SEC61A2: variants seen among roughly 807,000 people sequenced by gnomAD.
SEC61A2 encodes the protein SEC61 translocon subunit alpha 2.
In SEC61A2, 28 loss-of-function variants were observed where a neutral mutation model predicts 59.9. The ratio of observed to expected loss-of-function variants is 0.47; its 90% CI spans 0.35 to 0.64. The LOEUF is 0.64. Among genes scored for constraint, SEC61A2 ranks in the 30% least tolerant of loss-of-function variants. The pLI is 0.01. For synonymous variants in SEC61A2, 202 were observed against 214.4 expected, an observed-to-expected ratio of 0.94 and a Z score of 0.50; for missense variants, 340 against 585.9, an observed-to-expected ratio of 0.58 and a Z score of 4.33.
rs753466991 is a variant in SEC61A2, at chr10:12,164,255, TTC to T, written c.1245-11_1245-10del. ...GTCTCTGCTGCCGCCTAACTTGGGG[TTC>T]TGTCTCCTAGGTACATCCCCACCGC... On this transcript the variant is annotated splice_polypyrimidine_tract_variant and intron_variant, in intron 11 of 11. Transcript: ENST00000298428. This position sits in a 1 kb window ranked among gnomAD's most constrained non-coding sequence, Gnocchi z 7.3. The T allele has an allele frequency of 6.2e-7, 1 of 1,611,838 alleles. No homozygotes were observed. The highest frequency in any genetic ancestry group is 1.7e-5 in the Admixed American group (1 of 59,844).
intron 4 of SEC61A2, among the ~76,000 whole-genome samples, chr10:12,148,373 G>T (rs1834195225): frequency 6.6e-6 from 1 of 151,180 alleles, no homozygotes; most frequent in Admixed American, 6.6e-5. Context: ...AGCCTCCCAA[G>T]TAGCTGGGAT....
intron 3 of SEC61A2, among the ~76,000 whole-genome samples, chr10:12,138,993 G>A (rs957946216): frequency 4.0e-5 from 6 of 151,846 alleles, no homozygotes; most frequent in African/African-American, 1.2e-4. Flanking sequence ...ACGTAGTCTC[G>A]CTCTGTTGCC....
At position 12,155,336 on chromosome 10, in the gene SEC61A2, CT is replaced by C; in HGVS notation, c.463-439del. The C allele has an allele frequency of 1.3e-6, 2 of 1,581,938 alleles. No homozygotes were observed. Among genetic ancestry groups the C allele is most frequent in the Non-Finnish European group, 1.7e-6 (2 of 1,166,002 alleles). On this transcript the variant is annotated intron_variant, in intron 6 of 11. Coordinates refer to ENST00000298428, the MANE Select transcript of SEC61A2 (RefSeq NM_018144.4). This position sits in a 1 kb window ranked among gnomAD's most constrained non-coding sequence, Gnocchi z 4.3. The stretch of plus-strand genomic sequence containing the variant: ...GATCAACACAGCCCTTAGACTTATC[CT>C]TTGATGGCAGTGTACATTTCCATCT...
downstream of SEC61A2, chr10:12,167,534 C>A: frequency 1.7e-6 from 1 of 600,354 alleles, no homozygotes; most frequent in South Asian, 2.2e-5. Context: ...AAAGGAAGGT[C>A]ACAACCTACC....
chr10:12,147,726 G>A (rs1834174846), intron 4 of SEC61A2, among the ~76,000 whole-genome samples: 1 of 150,972 alleles, frequency 6.6e-6, no homozygotes, highest in Admixed American at 6.6e-5. Flanking sequence ...CATTTGTTTT[G>A]ATGTGAGGCA....
rs1015404540 is a variant in SEC61A2, at chr10:12,162,112, T to C, written c.1168-101T>C. On this transcript the variant is annotated intron_variant, in intron 10 of 11. Transcript: ENST00000298428. This position sits in a 1 kb window ranked among gnomAD's most constrained non-coding sequence, Gnocchi z 6.1. ...ACAATGCAACTTTCAGGTTATTGTA[T>C]GTTACGTGTTAGTGTGTGGCGAGCA... is the stretch of plus-strand genomic sequence containing the variant. 6 of 859,942 alleles carry C rather than the reference T, an allele frequency of 7.0e-6. No homozygotes were observed. Among genetic ancestry groups the C allele is most frequent in the Admixed American group, 5.8e-5 (3 of 51,382 alleles). The allele number at this position is 859,942 out of a possible 1,614,324, so 53.3% of individuals were successfully genotyped here.
intron 3 of SEC61A2, among the ~76,000 whole-genome samples, chr10:12,137,513 C>T (rs1833916127): frequency 1.3e-5 from 2 of 152,064 alleles, no homozygotes; most frequent in Non-Finnish European, 2.9e-5. Flanking sequence ...CCATGTTGCC[C>T]AGGCTGGTCT....
downstream of SEC61A2, chr10:12,166,700 G>C: frequency 2.0e-6 from 1 of 507,440 alleles, no homozygotes; most frequent in Non-Finnish European, 4.0e-6. Flanking sequence ...TTCCGTGGGG[G>C]CCAGACTGGA....
rs983029121 is a variant in SEC61A2 at position 12,161,157 on chromosome 10, G to A, written c.1167+36G>A. 1 of 1,512,410 alleles carries A rather than the reference G, an allele frequency of 6.6e-7. No individual in the cohort carries two copies. The highest frequency in any genetic ancestry group is 9.0e-7 in the Non-Finnish European group (1 of 1,105,924). 93.7% of individuals were successfully genotyped at this position (1,512,410 alleles called of 1,614,324 possible). A position where few individuals can be genotyped will look rare whatever the true frequency, so the allele number is the denominator to read the frequency against. ...GGTTTATTTTAAAATAAAACTCTTG[G>A]CAATGCATGGTGGCGCACATCTGTA... On this transcript the variant is annotated intron_variant, in intron 10 of 11. Coordinates refer to ENST00000298428, the MANE Select transcript of SEC61A2 (RefSeq NM_018144.4). The surrounding 1 kb of genome is among the most constrained non-coding windows in gnomAD (Gnocchi z 5.4).
chr10:12,137,188 G>T (rs11257559), intron 3 of SEC61A2, among the ~76,000 whole-genome samples: 1 of 152,022 alleles, frequency 6.6e-6, no homozygotes, highest in African/African-American at 2.4e-5. Context: ...CTGCAGGTGT[G>T]CCCCACCATG....
At position 12,153,531 on chromosome 10, in the gene SEC61A2, T is replaced by G. The variant is rs968813910; in HGVS notation, c.463-2247T>G. Among the ~76,000 whole-genome samples, 1 of 152,222 alleles carries G rather than the reference T, an allele frequency of 6.6e-6. No individual in the cohort carries two copies. The highest frequency in any genetic ancestry group is 1.5e-5 in the Non-Finnish European group (1 of 68,042). ...AAATTGATATAAAATAGAGTTAAGC[T>G]ATTTTGCTGTTCATTTTCAGTATTC... is the stretch of plus-strand genomic sequence containing the variant. On this transcript the variant is annotated intron_variant, in intron 6 of 11. Coordinates refer to ENST00000298428, the MANE Select transcript of SEC61A2 (RefSeq NM_018144.4). This position sits in a 1 kb window ranked among gnomAD's most constrained non-coding sequence, Gnocchi z 5.2.
chr10:12,163,030 T>C (rs1173595426), intron 11 of SEC61A2, among the ~76,000 whole-genome samples: 1 of 152,238 alleles, frequency 6.6e-6, no homozygotes, highest in Non-Finnish European at 1.5e-5. Context: ...TTCCACTTTT[T>C]ATGAATAATG....
intron 4 of SEC61A2, among the ~76,000 whole-genome samples, chr10:12,144,341 A>C (rs899391458): frequency 1.3e-5 from 2 of 152,200 alleles, no homozygotes; most frequent in African/African-American, 4.8e-5. Flanking sequence ...ACATATATCT[A>C]TATACTTCTT....
chr10:12,133,377 T>A, intron 2 of SEC61A2, 69 bp downstream of exon 2: 1 of 768,992 alleles, frequency 1.3e-6, no homozygotes, highest in Non-Finnish European at 2.2e-6. Context: ...GCAAAATTCA[T>A]TTCCTTACCT....
At chr10:12,132,683 A>G (rs1041867777) in intron 1 of SEC61A2, among the ~76,000 whole-genome samples, 2 of 151,464 alleles carry the variant, frequency 1.3e-5, no homozygotes, top group African/African-American at 4.8e-5. Flanking sequence ...GCATTTCGGC[A>G]TCTTTCAGTT....
At chr10:12,144,251 CA>C (rs1834088977) in intron 4 of SEC61A2, among the ~76,000 whole-genome samples, 1 of 152,088 alleles carries the variant, frequency 6.6e-6, no homozygotes, top group South Asian at 2.1e-4. Context: ...AGAAAAGTGT[CA>C]CTTCTGAGGG....
chr10:12,146,239 A>G (rs1834134429), intron 4 of SEC61A2, among the ~76,000 whole-genome samples: 1 of 152,086 alleles, frequency 6.6e-6, no homozygotes, highest in African/African-American at 2.4e-5. Flanking sequence ...CAGGCTGGTG[A>G]ATTCCTGACC....
At position 12,129,858 on chromosome 10, in the gene SEC61A2, C is replaced by A. The variant is rs987383117; in HGVS notation, c.7+64C>A. On this transcript the variant is annotated intron_variant, in intron 1 of 11. Coordinates refer to ENST00000298428, the MANE Select transcript of SEC61A2 (RefSeq NM_018144.4). This position sits in a 1 kb window ranked among gnomAD's most constrained non-coding sequence, Gnocchi z 5.6. ...ACGCAGGCCCCGCCTGGGCTGCGGG[C>A]GGTGGGGCTGGCGCTCGCTCGGAGT... 298 of 1,300,262 alleles carry A rather than the reference C, an allele frequency of 2.3e-4. No individual in the cohort carries two copies. Among genetic ancestry groups the A allele is most frequent in the Non-Finnish European group, 2.8e-4 (286 of 1,016,168 alleles). The allele number at this position is 1,300,262 out of a possible 1,614,324, so 80.5% of individuals were successfully genotyped here. A position where few individuals can be genotyped will look rare whatever the true frequency, so the allele number is the denominator to read the frequency against.
chr10:12,164,569 GCTGA>G lies in SEC61A2; in HGVS notation c.*121_*124del, dbSNP rs1834618521. ...CCCCTCACAGTTTCTTGTTTCGAGT[GCTGA>G]CTGACCCGTTTCTGAAATGGGCACC... On this transcript the variant is annotated 3_prime_UTR_variant, in exon 12 of 12. Coordinates refer to ENST00000298428, the MANE Select transcript of SEC61A2 (RefSeq NM_018144.4). This position sits in a 1 kb window ranked among gnomAD's most constrained non-coding sequence, Gnocchi z 7.3. 26 of 1,487,194 alleles carry G rather than the reference GCTGA, an allele frequency of 1.7e-5. No homozygotes were observed. The highest frequency in any genetic ancestry group is 2.1e-5 in the Non-Finnish European group (24 of 1,124,300). The allele number at this position is 1,487,194 out of a possible 1,614,324, so 92.1% of individuals were successfully genotyped here.
Sources: gnomAD v4.1 joint callset for allele counts (sites outside exome capture counted in the v4.1 genomes callset) on GRCh38, gnomAD v4.1.1 for gene constraint, Gnocchi (gnomAD v3.1) non-coding constraint, MANE v1.5 for transcripts, NCBI Gene and HGNC (gene_info 2026-07-23, HGNC 2026-07-21) for gene names.